Variants in PDE10A observed in about 807,000 individuals in gnomAD.
The protein encoded by PDE10A is cAMP and cAMP-inhibited cGMP 3',5'-cyclic phosphodiesterase 10A.
A neutral mutation model predicts 97.7 loss-of-function variants in PDE10A; 39 were observed. The ratio of observed to expected loss-of-function variants is 0.40; its 90% confidence interval spans 0.31 to 0.52. The LOEUF is 0.52. Ranked by LOEUF, PDE10A falls within the 20% of genes least tolerant of loss-of-function variation. The probability of loss-of-function intolerance (pLI) is 0.56; values close to 1 mark genes in which losing one functional copy is unlikely to be tolerated. For missense variants in PDE10A, 731 were observed against 1,047.8 expected (o/e 0.70, Z 4.17); for synonymous variants, 371 against 376.8 (o/e 0.98, Z 0.18).
At chr6:165,417,274 T>C (rs2040011959) in intron 11 of PDE10A, among the ~76,000 whole-genome samples, 2 of 152,202 alleles carry the variant, frequency 1.3e-5, no homozygotes, top group Non-Finnish European at 2.9e-5. Flanking sequence ...CACAATGAAT[T>C]AGATTGCCAT....
At chr6:165,766,487 C>A (rs1194866296) in intron 1 of PDE10A, among the ~76,000 whole-genome samples, 1 of 152,232 alleles carries the variant, frequency 6.6e-6, no homozygotes, top group African/African-American at 2.4e-5. Flanking sequence ...AAAGTTTAGA[C>A]AATGAACTGG....
At chr6:165,498,113 A>G (rs1780645365) in intron 2 of PDE10A, among the ~76,000 whole-genome samples, 1 of 151,976 alleles carries the variant, frequency 6.6e-6, no homozygotes, top group Non-Finnish European at 1.5e-5. Flanking sequence ...CTTTCTTACT[A>G]TATTTATAAC....
chr6:165,803,734 T>G lies in PDE10A; in HGVS notation c.-615+183795A>C, dbSNP rs1049610385. 5.6e-4 allele frequency among the ~76,000 whole-genome samples: 85 copies of G among 152,216 alleles called. 4 individuals carry two copies. Among genetic ancestry groups the G allele is most frequent in the Admixed American group, 6.5e-5 (1 of 15,278 alleles). On this transcript the variant is annotated intron_variant, in intron 1 of 19. Transcript: ENST00000366882. Reference sequence around the variant, plus strand: ...CATAAAGTCTTCTTTGGCCATACACTTTGCCATGTTTCATTCACAAGATGT... The same window carrying G: ...CATAAAGTCTTCTTTGGCCATACACGTTGCCATGTTTCATTCACAAGATGT...
rs756440278 is a variant in PDE10A at position 165,725,271 on chromosome 6, A to G, written c.-614-181703T>C. ...ATACAGAAAGCCCTCTGTCCCTGCA[A>G]TAAGGCAGAGGGTCTAATTGAGCTA... On this transcript the variant is annotated intron_variant, in intron 1 of 19. Transcript: ENST00000366882. Among the ~76,000 whole-genome samples the G allele has an allele frequency of 9.2e-5, 14 of 152,352 alleles. 1 individual carries two copies. The highest frequency in any genetic ancestry group is 1.9e-4 in the Non-Finnish European group (13 of 68,030).
At chr6:165,344,247 C>T (rs1176412952) in intron 18 of PDE10A, among the ~76,000 whole-genome samples, 1 of 152,124 alleles carries the variant, frequency 6.6e-6, no homozygotes, top group Non-Finnish European at 1.5e-5. Flanking sequence ...ATATCCCCTG[C>T]AATTTGAATA....
intron 18 of PDE10A, among the ~76,000 whole-genome samples, chr6:165,348,758 A>G (rs1354432946): frequency 1.3e-5 from 2 of 152,198 alleles, no homozygotes; most frequent in African/African-American, 2.4e-5. Context: ...TGAGGTGGAG[A>G]TAACTGAATC....
At chr6:165,410,755 T>G (rs1027243955) in intron 13 of PDE10A, among the ~76,000 whole-genome samples, 5 of 151,650 alleles carry the variant, frequency 3.3e-5, no homozygotes, top group Non-Finnish European at 5.9e-5. Context: ...AAATAAGACC[T>G]TCATATAATT....
intron 1 of PDE10A, among the ~76,000 whole-genome samples, chr6:165,804,762 A>G (rs1779072188): frequency 6.7e-6 from 1 of 150,310 alleles, no homozygotes; most frequent in Admixed American, 6.6e-5. Context: ...GGGGTCGGGG[A>G]GCGGCGGCGG....
chr6:165,831,371 C>CAAAAAAAAAAAAAAAAAAAAAAAAA (rs760962725), intron 1 of PDE10A, among the ~76,000 whole-genome samples: 1 of 44,802 alleles, frequency 2.2e-5, no homozygotes. Context: ...GACTCTGTCT[C>CAAAAAAAAAAAAAAAAAAAAAAAAA]AAAAAAAAAA....
intron 13 of PDE10A, among the ~76,000 whole-genome samples, chr6:165,398,143 G>A (rs2128219100): frequency 6.6e-6 from 1 of 152,182 alleles, no homozygotes; most frequent in South Asian, 2.1e-4. Flanking sequence ...ATTTATTTCA[G>A]TATTTAGATT....
At chr6:165,375,860 AC>A (rs1402297171) in intron 18 of PDE10A, among the ~76,000 whole-genome samples, 1 of 152,138 alleles carries the variant, frequency 6.6e-6, no homozygotes, top group Non-Finnish European at 1.5e-5. Flanking sequence ...AGCCTCAATG[AC>A]AGCACATTTG....
rs61614769 is a variant in PDE10A, at chr6:165,398,478, ACTCTCT to A, written c.2077-2025_2077-2020del. The stretch of plus-strand genomic sequence containing the variant: ...ACTTCAGCCTGGGCGATAGAGCAAG[ACTCTCT>A]CTCTCTCTCTCTCTCAAAAAAAAAA... On this transcript the variant is annotated intron_variant, in intron 13 of 21. Coordinates refer to ENST00000539869, the MANE Select transcript of PDE10A (RefSeq NM_001385079.1). Among the ~76,000 whole-genome samples, 411 of 139,328 alleles carry A rather than the reference ACTCTCT, an allele frequency of 2.9e-3. 2 individuals are homozygous for A. Among genetic ancestry groups the A allele is most frequent in the African/African-American group, 0.011 (397 of 37,404 alleles). 91.4% of individuals were successfully genotyped at this position (139,328 alleles called of 152,430 possible).
chr6:165,360,086 C>T (rs1783303408), intron 18 of PDE10A, among the ~76,000 whole-genome samples: 1 of 152,192 alleles, frequency 6.6e-6, no homozygotes, highest in African/African-American at 2.4e-5. Flanking sequence ...ACAGTGTGGT[C>T]CATACCCACG....
At chr6:165,877,571 T>A (rs1004217859) in intron 1 of PDE10A, among the ~76,000 whole-genome samples, 27 of 152,322 alleles carry the variant, frequency 1.8e-4, no homozygotes, top group Middle Eastern at 3.4e-3. Flanking sequence ...TATATGCGTG[T>A]ACAGCATGGT....
At chr6:165,598,137 T>C (rs1214429690) in intron 1 of PDE10A, among the ~76,000 whole-genome samples, 1 of 152,238 alleles carries the variant, frequency 6.6e-6, no homozygotes, top group Non-Finnish European at 1.5e-5. Flanking sequence ...ACCCCAAACC[T>C]GTCAGTTTGC....
intron 18 of PDE10A, among the ~76,000 whole-genome samples, chr6:165,369,266 C>A (rs1321887050): frequency 6.6e-6 from 1 of 151,766 alleles, no homozygotes; most frequent in Non-Finnish European, 1.5e-5. Flanking sequence ...AGGCTTCAGA[C>A]GATCAAATTA....
rs543359972 is a variant in PDE10A, at chr6:165,791,624, A to C, written c.-615+195905T>G. Among the ~76,000 whole-genome samples the C allele has an allele frequency of 3.9e-4, 59 of 152,314 alleles. 1 individual carries two copies. The highest frequency in any genetic ancestry group is 1.4e-3 in the African/African-American group (57 of 41,574). On this transcript the variant is annotated intron_variant, in intron 1 of 19. Transcript: ENST00000366882. ...GATGTCACAAGCTGCCCCCTGGCTTAGGAGACACGGCTCGTTTCTAGGGAA... is the reference window on the plus strand; with the variant it reads ...GATGTCACAAGCTGCCCCCTGGCTTCGGAGACACGGCTCGTTTCTAGGGAA...
At chr6:165,704,991 T>C (rs1281565003) in intron 1 of PDE10A, among the ~76,000 whole-genome samples, 3 of 152,196 alleles carry the variant, frequency 2.0e-5, no homozygotes, top group African/African-American at 7.2e-5. Flanking sequence ...AGTCATCCAC[T>C]CTTCACTGCA....
At chr6:165,790,389 CTGTT>C (rs2128463394) in intron 1 of PDE10A, among the ~76,000 whole-genome samples, 1 of 152,246 alleles carries the variant, frequency 6.6e-6, no homozygotes, top group East Asian at 1.9e-4. Context: ...CAGCGGTGCT[CTGTT>C]TGCACACTTC....
Sources: gnomAD v4.1 joint callset for allele counts (sites outside exome capture counted in the v4.1 genomes callset) on GRCh38, gnomAD v4.1.1 for gene constraint, MANE v1.5 for transcripts, NCBI Gene and HGNC (gene_info 2026-07-23, HGNC 2026-07-21) for gene names.